The following SDK1 variants were observed in gnomAD, a reference collection of about 807,000 sequenced individuals.
SDK1 encodes protein sidekick-1.
In SDK1, 157 loss-of-function variants were observed where a neutral mutation model predicts 245.5. The ratio of observed to expected loss-of-function variants is 0.64; its 90% CI spans 0.56 to 0.73. The LOEUF (loss-of-function observed/expected upper bound fraction) is 0.73, where lower values mean the gene tolerates loss of function less well. Among genes scored for constraint, SDK1 ranks in the 30% least tolerant of loss-of-function variants. The probability of loss-of-function intolerance (pLI) is 0.00; values close to 1 mark genes in which losing one functional copy is unlikely to be tolerated. For missense variants in SDK1, 3,583 were observed against 3,002.3 expected, an observed-to-expected ratio of 1.19 and a Z score of -4.52; for synonymous variants, 1,647 against 1,278.5, an observed-to-expected ratio of 1.29 and a Z score of -6.15.
intron 1 of SDK1, among the ~76,000 whole-genome samples, chr7:3,431,093 G>T (rs1350119957): frequency 1.3e-5 from 2 of 152,034 alleles, no homozygotes; most frequent in African/African-American, 4.8e-5. Flanking sequence ...TAGAGACAGG[G>T]TTTCACCATG....
chr7:4,100,662 C>T (rs1584130450), intron 22 of SDK1, among the ~76,000 whole-genome samples: 1 of 152,088 alleles, frequency 6.6e-6, no homozygotes. Context: ...CCCAGGCTGA[C>T]CCCCTGGTCC....
chr7:4,176,693 G>T (rs1020013397), intron 34 of SDK1, among the ~76,000 whole-genome samples: 1 of 152,120 alleles, frequency 6.6e-6, no homozygotes, highest in Non-Finnish European at 1.5e-5. Context: ...CTGTCTCGAC[G>T]GATTTGACGA....
At chr7:4,023,566 A>C (rs959592279) in intron 17 of SDK1, among the ~76,000 whole-genome samples, 2 of 152,232 alleles carry the variant, frequency 1.3e-5, no homozygotes, top group African/African-American at 2.4e-5. Context: ...CTCAGAAATC[A>C]ATACGCTTTT....
chr7:4,252,634 T>C (rs935903667), intron 44 of SDK1, among the ~76,000 whole-genome samples: 2 of 152,198 alleles, frequency 1.3e-5, no homozygotes, highest in Non-Finnish European at 2.9e-5. Context: ...TATTTATCTT[T>C]GTGTGATTTT....
chr7:3,650,084 T>A (rs1261907830), intron 4 of SDK1, among the ~76,000 whole-genome samples: 3 of 152,072 alleles, frequency 2.0e-5, no homozygotes, highest in Non-Finnish European at 4.4e-5. Flanking sequence ...GGGTCTCACT[T>A]TATCATCCAG....
chr7:4,006,148 C>T (rs892096021), intron 14 of SDK1, among the ~76,000 whole-genome samples: 8 of 152,176 alleles, frequency 5.3e-5, no homozygotes, highest in African/African-American at 1.9e-4. Context: ...TGATAATGCT[C>T]TTTTTTATTG....
chr7:4,256,527 T>C (rs1174309356), intron 44 of SDK1, among the ~76,000 whole-genome samples: 1 of 152,226 alleles, frequency 6.6e-6, no homozygotes, highest in Non-Finnish European at 1.5e-5. Context: ...AGCTGTAGCA[T>C]TGGTTTTCAA....
chr7:4,027,034 T>C (rs987260384), intron 17 of SDK1, among the ~76,000 whole-genome samples: 1 of 152,142 alleles, frequency 6.6e-6, no homozygotes, highest in African/African-American at 2.4e-5. Context: ...TGAAAAACGG[T>C]GTGTGCTGTT....
At chr7:3,304,998 C>A (rs912078593) in intron 1 of SDK1, among the ~76,000 whole-genome samples, 4 of 152,178 alleles carry the variant, frequency 2.6e-5, no homozygotes, top group Non-Finnish European at 5.9e-5. Context: ...TTACGTGAGG[C>A]CACATGGCTT....
At chr7:3,742,815 T>G (rs1258945648) in intron 4 of SDK1, among the ~76,000 whole-genome samples, 1 of 152,182 alleles carries the variant, frequency 6.6e-6, no homozygotes, top group Non-Finnish European at 1.5e-5. Context: ...ACAAGGTCAG[T>G]GTCCTTTTGG....
At chr7:3,950,852 C>A in intron 5 of SDK1, 71 bp from the exon 6 acceptor site, 5 of 1,203,156 alleles carry the variant, frequency 4.2e-6, no homozygotes, top group African/African-American at 1.5e-5. Context: ...TGGAACGTGT[C>A]CCCTCAGATA....
intron 35 of SDK1, among the ~76,000 whole-genome samples, chr7:4,181,135 C>G (rs924832274): frequency 1.3e-5 from 2 of 152,120 alleles, no homozygotes; most frequent in African/African-American, 4.8e-5. Flanking sequence ...CAGCCTCTCA[C>G]TTACTCTCTG....
chr7:3,793,355 C>T (rs957149862), intron 4 of SDK1, among the ~76,000 whole-genome samples: 1 of 152,042 alleles, frequency 6.6e-6, no homozygotes, highest in African/African-American at 2.4e-5. Context: ...AAGTTGTATT[C>T]TCCTTGGATA....
At chr7:3,806,990 G>T (rs1779266116) in intron 4 of SDK1, among the ~76,000 whole-genome samples, 1 of 152,018 alleles carries the variant, frequency 6.6e-6, no homozygotes, top group African/African-American at 2.4e-5. Context: ...GGCCCTTTTT[G>T]AGTTATCGAT....
At chr7:3,473,668 T>G (rs1452094298) in intron 1 of SDK1, among the ~76,000 whole-genome samples, 2 of 134,202 alleles carry the variant, frequency 1.5e-5, no homozygotes, top group African/African-American at 5.1e-5. Flanking sequence ...TACTAATACA[T>G]CTTGAATTAT....
At chr7:3,671,143 A>T (rs144697858) in intron 4 of SDK1, among the ~76,000 whole-genome samples, 1 of 152,148 alleles carries the variant, frequency 6.6e-6, no homozygotes, top group Non-Finnish European at 1.5e-5. Context: ...TATCCAAGTC[A>T]TTACTCAGTA....
intron 1 of SDK1, among the ~76,000 whole-genome samples, chr7:3,616,921 A>G (rs1459262079): frequency 6.6e-6 from 1 of 152,228 alleles, no homozygotes; most frequent in Non-Finnish European, 1.5e-5. Flanking sequence ...TCTTGAAAAG[A>G]AATTTTCCGT....
intron 5 of SDK1, among the ~76,000 whole-genome samples, chr7:3,842,303 G>A (rs1780177133): frequency 6.6e-6 from 1 of 152,196 alleles, no homozygotes; most frequent in Admixed American, 6.5e-5. Context: ...CATCCCGGGA[G>A]ATGATGCCTC....
At chr7:4,225,063 C>A (rs180878981) in intron 40 of SDK1, among the ~76,000 whole-genome samples, 3 of 150,418 alleles carry the variant, frequency 2.0e-5, no homozygotes, top group African/African-American at 7.3e-5. Context: ...TACGAAACTT[C>A]CTCCTCCCTG....
Sources: allele counts gnomAD v4.1 joint callset (sites outside exome capture counted in the v4.1 genomes callset), GRCh38; gene constraint gnomAD v4.1.1; transcripts MANE v1.5; gene names NCBI Gene and HGNC (gene_info 2026-07-23, HGNC 2026-07-21).